The following L3MBTL2 variants were observed in gnomAD, a reference collection of about 807,000 sequenced individuals.
The protein encoded by L3MBTL2 is lethal(3)malignant brain tumor-like protein 2.
L3MBTL2 carries 49 observed loss-of-function variants against 86.4 expected under a neutral mutation model. That is an observed-to-expected ratio of 0.57 (90% CI 0.45 to 0.72). The LOEUF (loss-of-function observed/expected upper bound fraction) is 0.72, where lower values mean the gene tolerates loss of function less well. Among genes scored for constraint, L3MBTL2 ranks in the 30% least tolerant of loss-of-function variants. The pLI is 0.00. For missense variants in L3MBTL2, 755 were observed against 923.7 expected (o/e 0.82, Z 2.37); for synonymous variants, 336 against 350.6 (o/e 0.96, Z 0.47).
chr22:41,230,503 T>A lies in L3MBTL2; in HGVS notation c.*252T>A. 2.2e-6 allele frequency: 1 copy of A among 464,906 alleles called. No homozygotes were observed. Among genetic ancestry groups the A allele is most frequent in the Non-Finnish European group, 3.8e-6 (1 of 260,200 alleles). The allele number at this position is 464,906 out of a possible 1,614,324, so 28.8% of individuals were successfully genotyped here. A position where few individuals can be genotyped will look rare whatever the true frequency, so the allele number is the denominator to read the frequency against. ...CCCCAGAACTCGTCTGTGAACCACC[T>A]TTTCCAGCCAGAGTTCCCAAAGCTG... On this transcript the variant is annotated 3_prime_UTR_variant, in exon 17 of 17. Transcript: ENST00000216237.
Position 41,213,958 on chromosome 22 carries a change from TG to T in L3MBTL2, c.329del (p.Cys110SerfsTer76). 1 of 1,614,176 alleles carries T rather than the reference TG, an allele frequency of 6.2e-7. No individual in the cohort carries two copies. Among genetic ancestry groups the T allele is most frequent in the Non-Finnish European group, 8.5e-7 (1 of 1,179,996 alleles). On this transcript the variant is annotated frameshift_variant, in exon 3 of 17. Transcript: ENST00000216237. LOFTEE classifies it high-confidence loss of function. The stretch of plus-strand genomic sequence containing the variant: ...CTTCTTCTCCAAGACCAAGAGGTTC[TG>T]CAGCGTCTCCTGCTCCAGGAGCTAC... ...EAFFSKTKRF[C>X]SVSCSRSYSS...
chr22:41,210,044 A>C, intron 2 of L3MBTL2, 111 bp downstream of exon 2: 1 of 1,438,024 alleles, frequency 7.0e-7, no homozygotes, highest in Non-Finnish European at 9.3e-7. Flanking sequence ...AAGGCTATTA[A>C]CTCTGATTTC....
intron 1 of L3MBTL2, chr22:41,206,022 G>A (rs2030183438): frequency 6.6e-6 from 1 of 151,340 alleles, no homozygotes; most frequent in Admixed American, 6.6e-5. Context: ...GTCTTGCTCT[G>A]TCACCTAGGC....
In L3MBTL2 at chr22:41,209,869, C is replaced by T. The variant is rs2030572170; in HGVS notation, c.198C>T (p.Thr66=). Residue 66 remains threonine, a synonymous_variant, in exon 2 of 17, where the codon ACC becomes ACT. Transcript: ENST00000216237. ...NEDREAGELP[T]SPLHLLSPGT... The stretch of plus-strand genomic sequence containing the variant: ...ATCGGGAAGCAGGGGAACTGCCGAC[C>T]TCCCCGCTGCATTTGCTCAGCCCTG... The T allele has an allele frequency of 6.2e-7, 1 of 1,614,106 alleles. No individual in the cohort carries two copies. Among genetic ancestry groups the T allele is most frequent in the Non-Finnish European group, 8.5e-7 (1 of 1,180,018 alleles).
In L3MBTL2 at chr22:41,224,330, C is replaced by T. The variant is rs985906601; in HGVS notation, c.1174+79C>T. On this transcript the variant is annotated intron_variant, in intron 9 of 16. Coordinates refer to ENST00000216237, the MANE Select transcript of L3MBTL2 (RefSeq NM_031488.5). The surrounding 1 kb of genome is among the most constrained non-coding windows in gnomAD (Gnocchi z 4.9). ...AGTGGGAGCACCTTCCTACTCGTCA[C>T]AGCAGGTCAGCAGGTGGAGGTTGGC... is the stretch of plus-strand genomic sequence containing the variant. 1 of 1,085,104 alleles carries T rather than the reference C, an allele frequency of 9.2e-7. No individual in the cohort carries two copies. The highest frequency in any genetic ancestry group is 1.3e-6 in the Non-Finnish European group (1 of 742,092). 67.2% of individuals were successfully genotyped at this position (1,085,104 alleles called of 1,614,324 possible).
intron 2 of L3MBTL2, among the ~76,000 whole-genome samples, chr22:41,211,862 T>C (rs1261378540): frequency 1.7e-5 from 2 of 119,208 alleles, no homozygotes; most frequent in African/African-American, 3.3e-5. Flanking sequence ...CGGCCTTTTT[T>C]TTTTTTTTTT....
chr22:41,224,830 C>G lies in L3MBTL2; in HGVS notation c.1251+29C>G. 4 of 1,598,348 alleles carry G rather than the reference C, an allele frequency of 2.5e-6. No individual in the cohort carries two copies. Among genetic ancestry groups the G allele is most frequent in the Non-Finnish European group, 3.4e-6 (4 of 1,165,706 alleles). On this transcript the variant is annotated intron_variant, in intron 10 of 16. Coordinates refer to ENST00000216237, the MANE Select transcript of L3MBTL2 (RefSeq NM_031488.5). This position sits in a 1 kb window ranked among gnomAD's most constrained non-coding sequence, Gnocchi z 4.9. ...AGGTTCAGCTCTTGGGCGCTTTTCC[C>G]CTCAGCCATGGGTCCATTCCGGGCC... is the stretch of plus-strand genomic sequence containing the variant.
At chr22:41,228,424 G>A (rs551407713) in intron 15 of L3MBTL2, 11 of 985,344 alleles carry the variant, frequency 1.1e-5, no homozygotes, top group Non-Finnish European at 1.3e-5. Flanking sequence ...CCACTTGAGG[G>A]GCAGAGCGGG....
Position 41,224,717 on chromosome 22 carries a change from C to T in L3MBTL2, c.1175-8C>T, listed in dbSNP as rs752942286. On this transcript the variant is annotated splice_region_variant and splice_polypyrimidine_tract_variant and intron_variant, in intron 9 of 16. Transcript: ENST00000216237. The surrounding 1 kb of genome is among the most constrained non-coding windows in gnomAD (Gnocchi z 4.9). ...CTCTCCCTCATTCCCTATCCATCTCCTCCAAAGAGAGGCGAAGTGACATGG... is the reference window on the plus strand; with the variant it reads ...CTCTCCCTCATTCCCTATCCATCTCTTCCAAAGAGAGGCGAAGTGACATGG... The T allele has an allele frequency of 1.1e-5, 17 of 1,611,064 alleles. No homozygotes were observed. The highest frequency in any genetic ancestry group is 1.4e-5 in the Non-Finnish European group (16 of 1,177,318).
Position 41,211,587 on chromosome 22 carries a change from TGC to T in L3MBTL2, c.262+1655_262+1656del, listed in dbSNP as rs1473171755. 1.3e-3 allele frequency among the ~76,000 whole-genome samples: 177 copies of T among 138,060 alleles called. 3 individuals are homozygous for T. Among genetic ancestry groups the T allele is most frequent in the African/African-American group, 4.5e-3 (166 of 37,180 alleles). The allele number at this position is 138,060 out of a possible 152,430, so 90.6% of individuals were successfully genotyped here. A position where few individuals can be genotyped will look rare whatever the true frequency, so the allele number is the denominator to read the frequency against. On this transcript the variant is annotated intron_variant, in intron 2 of 16. Transcript: ENST00000216237. The stretch of plus-strand genomic sequence containing the variant: ...TTTTTTTTTTTTTGAGACGGAGTCT[TGC>T]TCTGTCACCCAGGCTGGAATGCAGT...
At chr22:41,218,688 A>G (rs980025020) in intron 5 of L3MBTL2, 18 of 152,372 alleles carry the variant, frequency 1.2e-4, no homozygotes, top group African/African-American at 4.3e-4. Flanking sequence ...CAATGGCACT[A>G]TCTCAGCTCA....
rs750989226 is a variant in L3MBTL2 at position 41,229,520 on chromosome 22, G to T, written c.1889-20G>T. 21 of 1,603,252 alleles carry T rather than the reference G, an allele frequency of 1.3e-5. No homozygotes were observed. Among genetic ancestry groups the T allele is most frequent in the Non-Finnish European group, 1.8e-5 (21 of 1,172,022 alleles). On this transcript the variant is annotated intron_variant, in intron 15 of 16. Transcript: ENST00000216237. ...TAAATACAACCCTAATGCTGGGTTT[G>T]AATCCATTTTTATTCAAAGGGAAAA...
At chr22:41,230,115 C>T (rs370692123) in intron 16 of L3MBTL2, 24 bp from the exon 17 acceptor site, 5 of 1,250,246 alleles carry the variant, frequency 4.0e-6, no homozygotes, top group African/African-American at 3.0e-5. Context: ...CTCGCCCACC[C>T]ACCCGCCTCC....
chr22:41,228,107 C>CA, intron 15 of L3MBTL2: 1 of 985,432 alleles, frequency 1.0e-6, no homozygotes, highest in East Asian at 1.1e-4. Flanking sequence ...TGGCCATGGT[C>CA]AGGGTGCTGA....
rs776362448 is a variant in L3MBTL2, at chr22:41,220,772, G to T, written c.757G>T (p.Asp253Tyr). 2.5e-6 allele frequency: 4 copies of T among 1,613,642 alleles called. No individual in the cohort carries two copies. In the African/African-American group the frequency reaches 4.0e-5, roughly 16 times the overall value. Reference protein sequence around the residue: ...VLLRYEGFENDASHDFWCNLG... With the variant: ...VLLRYEGFENYASHDFWCNLG... ...GCTTCGGTATGAAGGCTTTGAAAAT[G>T]ACGCCAGCCATGACTTCTGGTGCAA... The change falls in exon 7 of 17, where the codon GAC becomes TAC. Residue 253 changes from aspartate (D) to tyrosine (Y), a missense_variant. Asp to Tyr is a radical substitution (Grantham distance 160, BLOSUM62 -3). Transcript: ENST00000216237.
intron 2 of L3MBTL2, among the ~76,000 whole-genome samples, chr22:41,211,569 T>C (rs2030810196): frequency 7.0e-6 from 1 of 143,132 alleles, no homozygotes; most frequent in Non-Finnish European, 1.5e-5. Flanking sequence ...TTTTTTTTTT[T>C]TTTTTGAGAC....
In L3MBTL2 at chr22:41,220,775, G is replaced by T; in HGVS notation, c.760G>T (p.Ala254Ser). ...TCGGTATGAAGGCTTTGAAAATGACGCCAGCCATGACTTCTGGTGCAACCT... is the reference window on the plus strand; with the variant it reads ...TCGGTATGAAGGCTTTGAAAATGACTCCAGCCATGACTTCTGGTGCAACCT... The part of the protein sequence containing the change: ...LLRYEGFEND[A>S]SHDFWCNLGT... Residue 254 changes from alanine to serine, a missense_variant, in exon 7 of 17, where the codon GCC becomes TCC. Around this residue, in one of 3 missense-constraint regions of L3MBTL2, gnomAD observed 634 missense variants for 748.9 expected, o/e 0.85. Transcript: ENST00000216237. 1 of 1,612,828 alleles carries T rather than the reference G, an allele frequency of 6.2e-7. No individual in the cohort carries two copies. The highest frequency in any genetic ancestry group is 8.5e-7 in the Non-Finnish European group (1 of 1,179,796).
At position 41,227,721 on chromosome 22, in the gene L3MBTL2, A is replaced by T; in HGVS notation, c.1823-83A>T. 6.2e-7 allele frequency: 1 copy of T among 1,605,768 alleles called. No homozygotes were observed. The highest frequency in any genetic ancestry group is 8.5e-7 in the Non-Finnish European group (1 of 1,175,138). ...TGGGGTGTCTCGTGTGGGAGGGTGGATGGGGTCTCGGGATGCGCCTGTGCC... is the reference window on the plus strand; with the variant it reads ...TGGGGTGTCTCGTGTGGGAGGGTGGTTGGGGTCTCGGGATGCGCCTGTGCC... On this transcript the variant is annotated intron_variant, in intron 14 of 16. Transcript: ENST00000216237. The surrounding 1 kb of genome is among the most constrained non-coding windows in gnomAD (Gnocchi z 6.0).
intron 16 of L3MBTL2, 63 bp from the exon 17 acceptor site, chr22:41,230,076 T>TCCAACCCCCC: frequency 1.1e-6 from 1 of 912,386 alleles, no homozygotes; most frequent in South Asian, 1.6e-5. Flanking sequence ...TCCCAGCTCC[T>TCCAACCCCCC]CCGCCCCCAC....
Sources: gnomAD v4.1 joint callset for allele counts (sites outside exome capture counted in the v4.1 genomes callset) on GRCh38, gnomAD v4.1.1 for gene constraint, gnomAD v4.1.1 regional missense constraint, Gnocchi (gnomAD v3.1) non-coding constraint, MANE v1.5 for transcripts, NCBI Gene and HGNC (gene_info 2026-07-23, HGNC 2026-07-21) for gene names.